The following PRIM2 variants were observed in gnomAD, a reference collection of about 807,000 sequenced individuals.
The protein encoded by PRIM2 is DNA primase large subunit.
PRIM2 carries 39 observed loss-of-function variants against 67.3 expected under a neutral mutation model. The ratio of observed to expected loss-of-function variants is 0.58; its 90% CI spans 0.45 to 0.76. The LOEUF is 0.76. Ranked by LOEUF, PRIM2 falls within the 30% of genes least tolerant of loss-of-function variation. The probability of loss-of-function intolerance (pLI) is 0.00; values close to 1 mark genes in which losing one functional copy is unlikely to be tolerated. For synonymous variants in PRIM2, 143 were observed against 198.7 expected, an observed-to-expected ratio of 0.72 and a Z score of 2.36; for missense variants, 398 against 598.7, an observed-to-expected ratio of 0.66 and a Z score of 3.50.
chr6:57,294,386 C>A, the PRIM2 span, among the ~76,000 whole-genome samples: 1 of 152,048 alleles, frequency 6.6e-6, no homozygotes, highest in East Asian at 1.9e-4. Context: ...AAGGTTAAGG[C>A]AGGAGAATCG....
the PRIM2 span, among the ~76,000 whole-genome samples, chr6:57,288,074 A>G: frequency 6.6e-6 from 1 of 152,174 alleles, no homozygotes; most frequent in African/African-American, 2.4e-5. Context: ...CTGCTCAAAT[A>G]CTGTGCTTTT....
intron 7 of PRIM2, among the ~76,000 whole-genome samples, chr6:57,404,003 G>A (rs1770802496): frequency 7.3e-6 from 1 of 136,856 alleles, no homozygotes; most frequent in Non-Finnish European, 1.6e-5. Flanking sequence ...GAAAGAAGCA[G>A]CAAACTCTCA....
chr6:57,618,238 T>C (rs1200963371), intron 12 of PRIM2, among the ~76,000 whole-genome samples: 1 of 152,210 alleles, frequency 6.6e-6, no homozygotes, highest in South Asian at 2.1e-4. Flanking sequence ...CAATTCCATA[T>C]GAATTTGAGG....
chr6:57,489,463 AG>A (rs1389513563), intron 7 of PRIM2, among the ~76,000 whole-genome samples: 1 of 152,292 alleles, frequency 6.6e-6, no homozygotes, highest in African/African-American at 2.4e-5. Flanking sequence ...AGGCTGAGGC[AG>A]GAGAATGGCG....
intron 7 of PRIM2, among the ~76,000 whole-genome samples, chr6:57,384,484 A>G (rs1269463518): frequency 6.6e-6 from 1 of 152,146 alleles, no homozygotes; most frequent in African/African-American, 2.4e-5. Context: ...CTATTTCTAA[A>G]TAAGGTCACA....
chr6:57,391,682 G>T (rs1419801142), intron 7 of PRIM2, among the ~76,000 whole-genome samples: 1 of 152,034 alleles, frequency 6.6e-6, no homozygotes, highest in Non-Finnish European at 1.5e-5. Flanking sequence ...TAGGTGTGTG[G>T]GCTTATTGCT....
chr6:57,525,598 C>T lies in PRIM2; in HGVS notation c.762-6813C>T, dbSNP rs1554349287. Among the ~76,000 whole-genome samples, 102 of 152,262 alleles carry T rather than the reference C, an allele frequency of 6.7e-4. 1 individual carries two copies. The highest frequency in any genetic ancestry group is 2.4e-3 in the African/African-American group (100 of 41,554). On this transcript the variant is annotated intron_variant, in intron 8 of 13. Coordinates refer to ENST00000615550, the MANE Select transcript of PRIM2 (RefSeq NM_000947.5). ...CTCTATTCAACCTAGACCTGTTGTC[C>T]GGCATTTCAACAACATTCTAATAAC...
intron 7 of PRIM2, among the ~76,000 whole-genome samples, chr6:57,453,850 T>A (rs1772650192): frequency 6.6e-5 from 10 of 152,190 alleles, no homozygotes; most frequent in Non-Finnish European, 1.5e-5. Flanking sequence ...AGAGAGGGCA[T>A]CCCTGTCTTG....
At chr6:57,621,439 C>T (rs1330043093) in intron 12 of PRIM2, among the ~76,000 whole-genome samples, 1 of 152,108 alleles carries the variant, frequency 6.6e-6, no homozygotes, top group Non-Finnish European at 1.5e-5. Flanking sequence ...ACCACAGTAC[C>T]ATAGTACCAT....
At chr6:57,397,648 C>A (rs1220265008) in intron 7 of PRIM2, among the ~76,000 whole-genome samples, 3 of 152,042 alleles carry the variant, frequency 2.0e-5, no homozygotes, top group Non-Finnish European at 4.4e-5. Context: ...TAATAACTAA[C>A]CTGAATTCTT....
intron 7 of PRIM2, among the ~76,000 whole-genome samples, chr6:57,501,444 C>T (rs1774129529): frequency 1.3e-5 from 2 of 152,002 alleles, no homozygotes; most frequent in South Asian, 2.1e-4. Context: ...GGATTACAGG[C>T]GCCCGCCACC....
chr6:57,415,982 C>A (rs1190008300), intron 7 of PRIM2, among the ~76,000 whole-genome samples: 1 of 152,188 alleles, frequency 6.6e-6, no homozygotes, highest in Non-Finnish European at 1.5e-5. Flanking sequence ...TTGGAATCAA[C>A]TTCTGTATCC....
chr6:57,243,122 A>G, the PRIM2 span, among the ~76,000 whole-genome samples: 1 of 152,244 alleles, frequency 6.6e-6, no homozygotes, highest in African/African-American at 2.4e-5. Flanking sequence ...ATCTTCACAC[A>G]TTCTGAATGT....
intron 10 of PRIM2, among the ~76,000 whole-genome samples, chr6:57,550,860 G>T (rs1460597962): frequency 6.6e-6 from 1 of 152,106 alleles, no homozygotes; most frequent in Non-Finnish European, 1.5e-5. Context: ...GACAAATTGG[G>T]TACGTATAAG....
intron 5 of PRIM2, among the ~76,000 whole-genome samples, chr6:57,338,819 A>G (rs2127291666): frequency 7.0e-6 from 1 of 142,620 alleles, no homozygotes; most frequent in East Asian, 2.0e-4. Flanking sequence ...CTCTCTCACC[A>G]CTCCTATTCA....
the PRIM2 span, among the ~76,000 whole-genome samples, chr6:57,244,707 G>T: frequency 6.6e-6 from 1 of 150,888 alleles, no homozygotes; most frequent in Non-Finnish European, 1.5e-5. Context: ...GTTGAGGTGA[G>T]CCCAGCCTGG....
At chr6:57,254,581 AG>A in the PRIM2 span, among the ~76,000 whole-genome samples, 1 of 152,234 alleles carries the variant, frequency 6.6e-6, no homozygotes, top group Non-Finnish European at 1.5e-5. Flanking sequence ...AAAGCCCACC[AG>A]GAGTTTTGCT....
At chr6:57,411,941 C>A (rs1451793714) in intron 7 of PRIM2, among the ~76,000 whole-genome samples, 1 of 151,608 alleles carries the variant, frequency 6.6e-6, no homozygotes, top group Non-Finnish European at 1.5e-5. Context: ...ACATTTTTCT[C>A]TATTTTAAAG....
intron 12 of PRIM2, among the ~76,000 whole-genome samples, chr6:57,625,650 T>C (rs1479016211): frequency 3.9e-5 from 6 of 152,072 alleles, no homozygotes; most frequent in Non-Finnish European, 8.8e-5. Context: ...AGCTTTCCAA[T>C]AAAAAAGAGA....
Sources: gnomAD v4.1 joint callset for allele counts (sites outside exome capture counted in the v4.1 genomes callset) on GRCh38, gnomAD v4.1.1 for gene constraint, MANE v1.5 for transcripts, NCBI Gene and HGNC (gene_info 2026-07-23, HGNC 2026-07-21) for gene names.